The following NOL10 variants were observed in gnomAD, a reference collection of about 807,000 sequenced individuals.
NOL10 encodes the protein nucleolar protein 10.
Under a neutral mutation model 103.5 loss-of-function variants are expected in NOL10, and 58 were observed. The ratio of observed to expected loss-of-function variants is 0.56; its 90% confidence interval spans 0.45 to 0.70. NOL10 has a LOEUF of 0.70. Ranked by LOEUF, NOL10 falls within the 30% of genes least tolerant of loss-of-function variation. NOL10 has a pLI of 0.00. For missense variants in NOL10, 763 were observed against 807.3 expected, an observed-to-expected ratio of 0.95 and a Z score of 0.67; for synonymous variants, 287 against 282.5, an observed-to-expected ratio of 1.02 and a Z score of -0.16.
chr2:10,654,233 C>G (rs1208066937), intron 12 of NOL10, among the ~76,000 whole-genome samples: 1 of 152,174 alleles, frequency 6.6e-6, no homozygotes, highest in Non-Finnish European at 1.5e-5. Flanking sequence ...CCACTAATAG[C>G]TGGGCGGGCT....
At chr2:10,608,837 A>G (rs944188670) in intron 13 of NOL10, among the ~76,000 whole-genome samples, 1 of 152,226 alleles carries the variant, frequency 6.6e-6, no homozygotes, top group African/African-American at 2.4e-5. Context: ...ACTCATAAAC[A>G]TGAAAAAAAC....
chr2:10,665,786 T>G (rs902467866), intron 8 of NOL10, among the ~76,000 whole-genome samples: 2 of 152,254 alleles, frequency 1.3e-5, no homozygotes, highest in African/African-American at 4.8e-5. Flanking sequence ...AAGCTTGATT[T>G]AGACATAACA....
intron 6 of NOL10, among the ~76,000 whole-genome samples, chr2:10,669,682 A>T (rs953411778): frequency 6.6e-6 from 1 of 150,980 alleles, no homozygotes; most frequent in Non-Finnish European, 1.5e-5. Context: ...TCACGAGGTC[A>T]AGAGACCGAG....
At chr2:10,577,178 G>A (rs1674497184) in intron 20 of NOL10, among the ~76,000 whole-genome samples, 1 of 152,192 alleles carries the variant, frequency 6.6e-6, no homozygotes, top group Non-Finnish European at 1.5e-5. Context: ...GGCAAGCTGG[G>A]TGTGACTGTC....
At chr2:10,616,801 G>A (rs886730963) in intron 13 of NOL10, among the ~76,000 whole-genome samples, 6 of 151,942 alleles carry the variant, frequency 3.9e-5, no homozygotes, top group Admixed American at 6.6e-5. Flanking sequence ...CACTGGCCTC[G>A]GCCTCCCAAA....
At chr2:10,605,907 TTAATC>T (rs1483185238) in intron 14 of NOL10, among the ~76,000 whole-genome samples, 1 of 152,238 alleles carries the variant, frequency 6.6e-6, no homozygotes, top group Non-Finnish European at 1.5e-5. Flanking sequence ...GGAAGTTTAA[TTAATC>T]TAATGGTAAC....
chr2:10,620,312 G>A (rs944049003), intron 13 of NOL10, among the ~76,000 whole-genome samples: 5 of 152,126 alleles, frequency 3.3e-5, no homozygotes, highest in South Asian at 2.1e-4. Flanking sequence ...AAATACCCAG[G>A]GGGGGAAACT....
At position 10,671,571 on chromosome 2, in the gene NOL10, C is replaced by T; in HGVS notation, c.447G>A (p.Leu149=). 6.2e-7 allele frequency: 1 copy of T among 1,606,150 alleles called. No homozygotes were observed. The highest frequency in any genetic ancestry group is 8.5e-7 in the Non-Finnish European group (1 of 1,176,482). Residue 149 remains leucine, a synonymous_variant, in exon 6 of 21, where the codon TTG becomes TTA. Coordinates refer to ENST00000381685, the MANE Select transcript of NOL10 (RefSeq NM_024894.4). ...DFSYHYPSCD[L]YFVGASSEVY... ...TCCAATACCTTGCACCAACAAAGTA[C>T]AAGTCACAGGATGGATAGTGGTAAG...
At chr2:10,655,584 G>T (rs770624361) in intron 11 of NOL10, among the ~76,000 whole-genome samples, 1 of 152,108 alleles carries the variant, frequency 6.6e-6, no homozygotes, top group Non-Finnish European at 1.5e-5. Context: ...GGTGGGTGTG[G>T]AAAAAGGTGA....
chr2:10,668,336 A>T (rs1170420496), intron 7 of NOL10, among the ~76,000 whole-genome samples: 1 of 152,214 alleles, frequency 6.6e-6, no homozygotes, highest in Non-Finnish European at 1.5e-5. Context: ...AAATTAATTC[A>T]AAAGTTCTCC....
chr2:10,642,944 G>A (rs1189046368), intron 13 of NOL10, among the ~76,000 whole-genome samples: 2 of 152,144 alleles, frequency 1.3e-5, no homozygotes, highest in African/African-American at 2.4e-5. Flanking sequence ...ACTCCTCAAA[G>A]AGAAGGGCAG....
chr2:10,645,575 C>T (rs370094970), intron 12 of NOL10, among the ~76,000 whole-genome samples: 80 of 150,728 alleles, frequency 5.3e-4, no homozygotes, highest in African/African-American at 1.9e-3. Flanking sequence ...GCTCTGTTGC[C>T]CAGGCTGGAG....
chr2:10,635,919 T>G lies in NOL10; in HGVS notation c.1026+8401A>C, dbSNP rs533555993. The stretch of plus-strand genomic sequence containing the variant: ...ATTTCTTATTTTTTTTAAGAGAGTC[T>G]GTGTCACCCAGGCTGGAGTGCGGTA... On this transcript the variant is annotated intron_variant, in intron 13 of 20. Transcript: ENST00000381685. Among the ~76,000 whole-genome samples, 4 of 152,336 alleles carry G rather than the reference T, an allele frequency of 2.6e-5. No homozygotes were observed. The South Asian group carries it at 8.3e-4, about 32-fold the overall frequency.
intron 16 of NOL10, among the ~76,000 whole-genome samples, chr2:10,601,999 G>A (rs561035319): frequency 6.6e-6 from 1 of 152,380 alleles, no homozygotes; most frequent in Non-Finnish European, 1.5e-5. Context: ...CTGCAAGGCA[G>A]GTGCAGGAGC....
rs79328942 is a variant in NOL10 at position 10,658,553 on chromosome 2, A to T, written c.756+619T>A. Among the ~76,000 whole-genome samples, 2,039 of 152,240 alleles carry T rather than the reference A, an allele frequency of 0.013. 146 individuals are homozygous for T. In the East Asian group the frequency reaches 0.2, roughly 15 times the overall value. On this transcript the variant is annotated intron_variant, in intron 10 of 20. Coordinates refer to ENST00000381685, the MANE Select transcript of NOL10 (RefSeq NM_024894.4). ...CTGCTGACCACTCATGGCATGTGCT[A>T]TAGTTAATGATGCTATATTAAAAAA...
intron 3 of NOL10, among the ~76,000 whole-genome samples, chr2:10,678,082 G>A (rs557295295): frequency 1.3e-4 from 19 of 151,516 alleles, no homozygotes; most frequent in Non-Finnish European, 2.1e-4. Flanking sequence ...ACAGGGTCTC[G>A]CTGTTGCCCA....
chr2:10,648,033 T>C (rs1186356953), intron 12 of NOL10, among the ~76,000 whole-genome samples: 1 of 152,112 alleles, frequency 6.6e-6, no homozygotes, highest in Non-Finnish European at 1.5e-5. Flanking sequence ...GTGTCATGAA[T>C]CTGATGCACA....
chr2:10,589,295 G>A lies in NOL10; in HGVS notation c.1597-5C>T. On this transcript the variant is annotated splice_region_variant and splice_polypyrimidine_tract_variant and intron_variant, in intron 18 of 20. Transcript: ENST00000381685. ...TTCCGGCTCTTCCTCCTCTTCCTGAGAATAAAAATAGTAAGCAGCAACTCC... is the reference window on the plus strand; with the variant it reads ...TTCCGGCTCTTCCTCCTCTTCCTGAAAATAAAAATAGTAAGCAGCAACTCC... 6.2e-7 allele frequency: 1 copy of A among 1,612,680 alleles called. No homozygotes were observed. The highest frequency in any genetic ancestry group is 8.5e-7 in the Non-Finnish European group (1 of 1,179,690).
chr2:10,600,749 A>G (rs1675927310), intron 17 of NOL10, 104 bp downstream of exon 17: 4 of 764,146 alleles, frequency 5.2e-6, no homozygotes, highest in Non-Finnish European at 8.7e-6. Context: ...CGCAGGAAAG[A>G]AAAAGTCCTA....
Sources: gnomAD v4.1 joint callset for allele counts (sites outside exome capture counted in the v4.1 genomes callset) on GRCh38, gnomAD v4.1.1 for gene constraint, MANE v1.5 for transcripts, NCBI Gene and HGNC (gene_info 2026-07-23, HGNC 2026-07-21) for gene names.